GP6: variants seen among roughly 807,000 people sequenced by gnomAD.
GP6 encodes glycoprotein VI platelet.
A neutral mutation model predicts 37.3 loss-of-function variants in GP6; 45 were observed. The observed-to-expected ratio is 1.21, with a 90% CI of 0.95 to 1.55. The LOEUF (loss-of-function observed/expected upper bound fraction) is 1.55, where lower values mean the gene tolerates loss of function less well. Ranked by LOEUF, GP6 falls within the 40% of genes most tolerant of loss-of-function variation. GP6 has a pLI of 0.00. For synonymous variants in GP6, 340 were observed against 316.4 expected (o/e 1.07, Z -0.79); for missense variants, 813 against 760.2 (o/e 1.07, Z -0.82).
Position 55,019,317 on chromosome 19 carries a change from G to C in GP6, c.665-606C>G, listed in dbSNP as rs562139879. Among the ~76,000 whole-genome samples, 147 of 151,886 alleles carry C rather than the reference G, an allele frequency of 9.7e-4. 1 individual carries two copies. The highest frequency in any genetic ancestry group is 3.5e-3 in the African/African-American group (143 of 41,438). On this transcript the variant is annotated intron_variant, in intron 5 of 7. Transcript: ENST00000310373. ...GTAGAGGCGGGGTTTCACCATGTTGGCCAGGATGGTCTCGATCTCCTGACC... is the reference window on the plus strand; with the variant it reads ...GTAGAGGCGGGGTTTCACCATGTTGCCCAGGATGGTCTCGATCTCCTGACC...
intron 5 of GP6, among the ~76,000 whole-genome samples, chr19:55,020,315 C>T (rs916525307): frequency 6.6e-6 from 1 of 151,880 alleles, no homozygotes; most frequent in African/African-American, 2.4e-5. Context: ...CCCATCAACC[C>T]ATCACCTAGG....
Position 55,032,127 on chromosome 19 carries a change from C to T in GP6, c.325+12G>A. 6.2e-7 allele frequency: 1 copy of T among 1,613,216 alleles called. No homozygotes were observed. On this transcript the variant is annotated intron_variant, in intron 3 of 7. Coordinates refer to ENST00000310373, the MANE Select transcript of GP6 (RefSeq NM_001083899.2). ...ACCACGCAGTCCCAGGCTCCGATCC[C>T]CCTTCCTTTACCCGTGGCAACGAGC...
intron 1 of GP6, among the ~76,000 whole-genome samples, chr19:55,033,898 A>G (rs2074709149): frequency 6.6e-6 from 1 of 152,130 alleles, no homozygotes; most frequent in Non-Finnish European, 1.5e-5. Flanking sequence ...TCAGTATTCC[A>G]TGATTACATG....
chr19:55,021,951 T>G (rs922086149), intron 5 of GP6, among the ~76,000 whole-genome samples: 1 of 152,326 alleles, frequency 6.6e-6, no homozygotes, highest in African/African-American at 2.4e-5. Context: ...CATAAACGTC[T>G]TCTTTTGAGA....
At chr19:55,019,681 T>TC (rs2074005444) in intron 5 of GP6, among the ~76,000 whole-genome samples, 1 of 146,198 alleles carries the variant, frequency 6.8e-6, no homozygotes, top group African/African-American at 2.5e-5. Flanking sequence ...TTTTTTTCTT[T>TC]TTTTTTTTTT....
At chr19:55,034,559 G>GA (rs550665514) in intron 1 of GP6, among the ~76,000 whole-genome samples, 125 of 143,506 alleles carry the variant, frequency 8.7e-4, no homozygotes, top group African/African-American at 2.9e-3. Context: ...CCATCTCGAG[G>GA]AAAAAAAAAA....
chr19:55,016,445 G>A (rs1480578470), intron 6 of GP6, among the ~76,000 whole-genome samples: 5 of 148,964 alleles, frequency 3.4e-5, no homozygotes, highest in African/African-American at 9.9e-5. Context: ...GCCCGATGTC[G>A]GCTCACTTCA....
intron 4 of GP6, among the ~76,000 whole-genome samples, chr19:55,026,494 G>A (rs1450653057): frequency 6.6e-6 from 1 of 152,190 alleles, no homozygotes; most frequent in Non-Finnish European, 1.5e-5. Flanking sequence ...GTTGTAGTAT[G>A]TGTCAGAATT....
In GP6 at chr19:55,032,527, C is replaced by G; in HGVS notation, c.46G>C (p.Gly16Arg). 1 of 1,613,764 alleles carries G rather than the reference C, an allele frequency of 6.2e-7. No individual in the cohort carries two copies. The stretch of plus-strand genomic sequence containing the variant: ...TCACCACTCTGCGCTGGCACACGCC[C>G]CAGACACAGCCCTGAGGAAAGAAGA... The change falls in exon 2 of 8, where the codon GGG becomes CGG. Residue 16 changes from glycine to arginine, a missense_variant. Physicochemically the swap from Gly to Arg is moderately radical, Grantham distance 125. Transcript: ENST00000310373.
Position 55,038,244 on chromosome 19 carries a change from C to T in GP6, c.-8G>A. ...GGTCGGGGATGGAGACATGGTTCCTCAGCCCTGTCCTGAGCTCTGTGGCCA... is the reference window on the plus strand; with the variant it reads ...GGTCGGGGATGGAGACATGGTTCCTTAGCCCTGTCCTGAGCTCTGTGGCCA... On this transcript the variant is annotated 5_prime_UTR_variant, in exon 1 of 8. Coordinates refer to ENST00000310373, the MANE Select transcript of GP6 (RefSeq NM_001083899.2). The T allele has an allele frequency of 1.3e-6, 2 of 1,584,852 alleles. No individual in the cohort carries two copies. The highest frequency in any genetic ancestry group is 1.7e-6 in the Non-Finnish European group (2 of 1,164,224).
At chr19:55,023,604 G>A (rs896833961) in intron 5 of GP6, among the ~76,000 whole-genome samples, 7 of 152,028 alleles carry the variant, frequency 4.6e-5, no homozygotes, top group Non-Finnish European at 1.0e-4. Context: ...GCTTCCTGAG[G>A]CCTCCCCAAA....
chr19:55,031,055 C>G (rs2074543545), intron 3 of GP6, among the ~76,000 whole-genome samples: 1 of 151,840 alleles, frequency 6.6e-6, no homozygotes, highest in East Asian at 1.9e-4. Context: ...ACTATGTTGC[C>G]CAGGCTGGTC....
At chr19:55,018,355 T>C (rs2073951232) in intron 6 of GP6, among the ~76,000 whole-genome samples, 1 of 152,216 alleles carries the variant, frequency 6.6e-6, no homozygotes, top group African/African-American at 2.4e-5. Context: ...AATACCTGGA[T>C]CACAGCCGAG....
intron 6 of GP6, 103 bp from the exon 7 acceptor site, chr19:55,015,836 C>T (rs928988548): frequency 2.7e-6 from 2 of 750,076 alleles, no homozygotes; most frequent in Admixed American, 3.9e-5. Flanking sequence ...CACAATTCCA[C>T]AGCATTTAAG....
chr19:55,028,085 T>C (rs1312155294), intron 3 of GP6, among the ~76,000 whole-genome samples: 3 of 152,250 alleles, frequency 2.0e-5, no homozygotes, highest in Non-Finnish European at 4.4e-5. Flanking sequence ...TAGTTCTGCC[T>C]TCAGGGGCCT....
intron 5 of GP6, among the ~76,000 whole-genome samples, chr19:55,024,221 C>T (rs1239521899): frequency 6.8e-6 from 1 of 148,032 alleles, no homozygotes; most frequent in Non-Finnish European, 1.5e-5. Flanking sequence ...AGAACCATTT[C>T]AAAAGAGAAA....
intron 5 of GP6, among the ~76,000 whole-genome samples, chr19:55,024,212 G>T (rs576810653): frequency 6.9e-6 from 1 of 144,222 alleles, no homozygotes; most frequent in East Asian, 2.0e-4. Flanking sequence ...TGTGACTCTA[G>T]AACCATTTCA....
intron 5 of GP6, among the ~76,000 whole-genome samples, chr19:55,023,028 A>T (rs1050405001): frequency 1.3e-5 from 2 of 152,194 alleles, no homozygotes; most frequent in Non-Finnish European, 2.9e-5. Flanking sequence ...TATGGAACCA[A>T]AAAAGGGCCC....
Position 55,014,557 on chromosome 19 carries a change from T to G in GP6, c.1388A>C (p.Asp463Ala). ...ATTTTGCACAGAGGATGGAACAGAG[T>G]CAACCCTGAGAGCTGGGAACCTTAG... Residue 463 changes from aspartate to alanine, a missense_variant, in exon 8 of 8, where the codon GAC becomes GCC. Transcript: ENST00000310373. 1 of 1,613,162 alleles carries G rather than the reference T, an allele frequency of 6.2e-7. No homozygotes were observed. The highest frequency in any genetic ancestry group is 8.5e-7 in the Non-Finnish European group (1 of 1,179,330).
Sources: gnomAD v4.1 joint callset for allele counts (sites outside exome capture counted in the v4.1 genomes callset) on GRCh38, gnomAD v4.1.1 for gene constraint, MANE v1.5 for transcripts, NCBI Gene and HGNC (gene_info 2026-07-23, HGNC 2026-07-21) for gene names.